Variants in EPB41L3 observed in about 807,000 individuals in gnomAD.
EPB41L3 encodes band 4.1-like protein 3.
Under a neutral mutation model 127.1 loss-of-function variants are expected in EPB41L3, and 57 were observed. The ratio of observed to expected loss-of-function variants is 0.45; its 90% CI spans 0.36 to 0.56. The LOEUF is 0.56. EPB41L3 is among the 20% of genes least tolerant of loss of function. The probability of loss-of-function intolerance (pLI) is 0.00; values close to 1 mark genes in which losing one functional copy is unlikely to be tolerated. For synonymous variants in EPB41L3, 572 were observed against 549.5 expected (o/e 1.04, Z -0.57); for missense variants, 1,273 against 1,372.2 (o/e 0.93, Z 1.14).
At chr18:5,436,084 T>G (rs2079739315) in intron 6 of EPB41L3, among the ~76,000 whole-genome samples, 1 of 152,194 alleles carries the variant, frequency 6.6e-6, no homozygotes, top group South Asian at 2.1e-4. Flanking sequence ...TTATTTTGCT[T>G]TTGAGACTTA....
At chr18:5,486,433 T>A (rs1033684678) in intron 2 of EPB41L3, among the ~76,000 whole-genome samples, 1 of 136,646 alleles carries the variant, frequency 7.3e-6, no homozygotes, top group Admixed American at 6.9e-5. Flanking sequence ...TGAGCAAAGT[T>A]TTTTTTGTGT....
At chr18:5,528,471 G>A (rs553047709) in intron 1 of EPB41L3, among the ~76,000 whole-genome samples, 2 of 150,336 alleles carry the variant, frequency 1.3e-5, no homozygotes, top group African/African-American at 4.9e-5. Context: ...GCCCAGCTGG[G>A]GTCACATTTT....
intron 14 of EPB41L3, among the ~76,000 whole-genome samples, 163 bp from the exon 15 acceptor site, chr18:5,407,899 A>G (rs189807727): frequency 1.3e-5 from 2 of 152,302 alleles, no homozygotes; most frequent in East Asian, 3.9e-4. Flanking sequence ...TCTCACACAC[A>G]ATTAGGAAGC....
At chr18:5,523,192 G>A (rs1280208834) in intron 1 of EPB41L3, among the ~76,000 whole-genome samples, 1 of 152,288 alleles carries the variant, frequency 6.6e-6, no homozygotes, top group East Asian at 1.9e-4. Flanking sequence ...TCACAGATTG[G>A]TAGGACAGAA....
chr18:5,421,290 A>G (rs1026107301), intron 11 of EPB41L3, among the ~76,000 whole-genome samples: 36 of 151,434 alleles, frequency 2.4e-4, no homozygotes, highest in African/African-American at 8.4e-4. Flanking sequence ...TCACTGAACA[A>G]AGTGGATGAT....
intron 16 of EPB41L3, among the ~76,000 whole-genome samples, chr18:5,404,854 G>A (rs1021852467): frequency 6.6e-6 from 1 of 152,146 alleles, no homozygotes; most frequent in African/African-American, 2.4e-5. Flanking sequence ...TCCAAAAGAG[G>A]TAGTAGAAAT....
intron 3 of EPB41L3, among the ~76,000 whole-genome samples, chr18:5,467,859 G>C (rs4797213): frequency 0.24 from 37,171 of 152,108 alleles, 4,761 homozygotes; most frequent in Middle Eastern, 0.31. Flanking sequence ...AAGACTGCAC[G>C]CTCCACAGAG....
intron 3 of EPB41L3, among the ~76,000 whole-genome samples, chr18:5,582,266 A>G (rs930375974): frequency 3.3e-5 from 5 of 152,172 alleles, no homozygotes; most frequent in African/African-American, 9.7e-5. Flanking sequence ...ACATGACACC[A>G]GGCTAGAAAG....
intron 2 of EPB41L3, among the ~76,000 whole-genome samples, chr18:5,487,484 T>A (rs1029969859): frequency 6.6e-6 from 1 of 151,340 alleles, no homozygotes; most frequent in African/African-American, 2.4e-5. Context: ...TATTTGTATA[T>A]TTTACCTCAA....
chr18:5,503,240 T>C (rs1265073517), intron 1 of EPB41L3, among the ~76,000 whole-genome samples: 1 of 152,200 alleles, frequency 6.6e-6, no homozygotes, highest in Non-Finnish European at 1.5e-5. Flanking sequence ...TATAATTTAA[T>C]ACATCTGAAA....
intron 3 of EPB41L3, among the ~76,000 whole-genome samples, chr18:5,475,504 A>C (rs889342487): frequency 1.3e-5 from 2 of 152,236 alleles, no homozygotes; most frequent in Non-Finnish European, 2.9e-5. Flanking sequence ...GCCTTCTGCA[A>C]ACCTAACACT....
chr18:5,547,829 C>A (rs370384120), upstream of EPB41L3, among the ~76,000 whole-genome samples: 10 of 152,100 alleles, frequency 6.6e-5, no homozygotes, highest in East Asian at 1.9e-3. Context: ...ACCTGATAGC[C>A]AAGACAAGGA....
chr18:5,397,799 C>A lies in EPB41L3; in HGVS notation c.2472+222G>T, dbSNP rs2073825702. 6.6e-6 allele frequency among the ~76,000 whole-genome samples: 1 copy of A among 152,190 alleles called. No individual in the cohort carries two copies. The highest frequency in any genetic ancestry group is 2.1e-4 in the South Asian group (1 of 4,832). On this transcript the variant is annotated intron_variant, in intron 17 of 22. Transcript: ENST00000341928. The surrounding 1 kb of genome is among the most constrained non-coding windows in gnomAD (Gnocchi z 4.1). ...TAGATATTTAATTCTATTAAAATTT[C>A]TCAATATGATCGCCTTTCGAATAGT... is the stretch of plus-strand genomic sequence containing the variant.
intron 2 of EPB41L3, among the ~76,000 whole-genome samples, chr18:5,614,044 A>G (rs2094762436): frequency 6.6e-6 from 1 of 152,210 alleles, no homozygotes; most frequent in Non-Finnish European, 1.5e-5. Flanking sequence ...AATAATCTAG[A>G]ACACACAGCA....
intron 3 of EPB41L3, among the ~76,000 whole-genome samples, chr18:5,597,765 T>C (rs927908927): frequency 1.3e-5 from 2 of 152,174 alleles, no homozygotes; most frequent in Non-Finnish European, 2.9e-5. Context: ...TGTCAATTTA[T>C]GGTATCACTG....
intron 1 of EPB41L3, among the ~76,000 whole-genome samples, chr18:5,491,431 G>T (rs2090582401): frequency 6.6e-6 from 1 of 152,170 alleles, no homozygotes; most frequent in Non-Finnish European, 1.5e-5. Flanking sequence ...CAGCCTAGTC[G>T]GGAAACCGTT....
Position 5,428,299 on chromosome 18 carries a change from GTGGGTATAC to G in EPB41L3, c.1065+5_1065+13del, listed in dbSNP as rs1156284378. ...CTTTCCTCCCAACGCACAGGCAAATGTGGGTATACTTACCTCTCCCGGCCGGATCTTAAT... is the reference window on the plus strand; with the variant it reads ...CTTTCCTCCCAACGCACAGGCAAATGTTACCTCTCCCGGCCGGATCTTAAT... On this transcript the variant is annotated splice_donor_5th_base_variant and intron_variant, in intron 9 of 22. Coordinates refer to ENST00000341928, the MANE Select transcript of EPB41L3 (RefSeq NM_012307.5). 38 of 1,613,808 alleles carry G rather than the reference GTGGGTATAC, an allele frequency of 2.4e-5. No individual in the cohort carries two copies. Among genetic ancestry groups the G allele is most frequent in the Non-Finnish European group, 3.0e-5 (35 of 1,179,744 alleles).
intron 2 of EPB41L3, 31 bp downstream of exon 2, chr18:5,488,970 C>T (rs1298337610): frequency 1.9e-6 from 3 of 1,557,046 alleles, no homozygotes; most frequent in African/African-American, 1.4e-5. Context: ...TCAGCAAACA[C>T]TGCGTCATTA....
At chr18:5,419,689 G>A (rs1402623578) in intron 12 of EPB41L3, 22 bp downstream of exon 12, 1 of 1,613,088 alleles carries the variant, frequency 6.2e-7, no homozygotes, top group Admixed American at 1.7e-5. Flanking sequence ...GCAAGCTCTT[G>A]CAGGCAGTCT....
Sources: gnomAD v4.1 joint callset for allele counts (sites outside exome capture counted in the v4.1 genomes callset) on GRCh38, gnomAD v4.1.1 for gene constraint, Gnocchi (gnomAD v3.1) non-coding constraint, MANE v1.5 for transcripts, NCBI Gene and HGNC (gene_info 2026-07-23, HGNC 2026-07-21) for gene names.